Variants in SLC35D4 observed in about 807,000 individuals in gnomAD.
SLC35D4 encodes the protein UDP-N-acetylglucosamine transporter SLC35D4.
the SLC35D4 span, among the ~76,000 whole-genome samples, chr18:23,405,061 G>A: frequency 6.0e-5 from 9 of 149,292 alleles, no homozygotes; most frequent in Non-Finnish European, 1.0e-4. Flanking sequence ...TGTACCAAGT[G>A]AGGATGCAGA....
chr18:23,373,498 A>C, the SLC35D4 span, among the ~76,000 whole-genome samples: 1 of 152,298 alleles, frequency 6.6e-6, no homozygotes, highest in African/African-American at 2.4e-5. Context: ...ACAGCTCTGC[A>C]GGCCACGATG....
the SLC35D4 span, among the ~76,000 whole-genome samples, chr18:23,418,097 T>C: frequency 6.6e-6 from 1 of 152,166 alleles, no homozygotes; most frequent in Non-Finnish European, 1.5e-5. Context: ...TAGTATAACA[T>C]ATAAAATCCC....
At chr18:23,374,284 A>G in the SLC35D4 span, among the ~76,000 whole-genome samples, 1 of 152,208 alleles carries the variant, frequency 6.6e-6, no homozygotes, top group African/African-American at 2.4e-5. Flanking sequence ...AAAGCTCGGA[A>G]GGACACAACA....
chr18:23,418,115 T>C, the SLC35D4 span, among the ~76,000 whole-genome samples: 75 of 152,236 alleles, frequency 4.9e-4, no homozygotes, highest in African/African-American at 1.7e-3. Context: ...CCCAAAAATA[T>C]CTTTATTTCA....
chr18:23,380,739 AGATT>A, the SLC35D4 span, among the ~76,000 whole-genome samples: 192 of 152,316 alleles, frequency 1.3e-3, 1 homozygote, highest in African/African-American at 4.2e-3. Flanking sequence ...CAAGGTAGTT[AGATT>A]AATTCCTCGA....
At chr18:23,323,081 T>C in the SLC35D4 span, among the ~76,000 whole-genome samples, 2 of 152,234 alleles carry the variant, frequency 1.3e-5, no homozygotes, top group Non-Finnish European at 2.9e-5. Flanking sequence ...GGGCATGTGG[T>C]TAAGATGTTT....
At chr18:23,328,362 G>C in the SLC35D4 span, among the ~76,000 whole-genome samples, 143 of 152,296 alleles carry the variant, frequency 9.4e-4, no homozygotes, top group Middle Eastern at 3.4e-3. Flanking sequence ...AAAGTCTCAG[G>C]ATACAAAATC....
the SLC35D4 span, among the ~76,000 whole-genome samples, chr18:23,345,258 C>T: frequency 7.9e-5 from 12 of 151,882 alleles, no homozygotes; most frequent in South Asian, 2.1e-4. Context: ...CCGAGGTGGG[C>T]GGATCGCTAG....
chr18:23,297,408 C>A, the SLC35D4 span: 1 of 152,088 alleles, frequency 6.6e-6, no homozygotes, highest in Non-Finnish European at 1.5e-5. Flanking sequence ...ACATCAGCTA[C>A]TGTGGATGCT....
the SLC35D4 span, among the ~76,000 whole-genome samples, chr18:23,242,525 C>T: frequency 6.6e-6 from 1 of 152,060 alleles, no homozygotes; most frequent in Non-Finnish European, 1.5e-5. Flanking sequence ...CAGCCCAGGT[C>T]GGTAGTGGGT....
the SLC35D4 span, among the ~76,000 whole-genome samples, chr18:23,277,859 C>T: frequency 1.2e-4 from 18 of 152,166 alleles, no homozygotes; most frequent in East Asian, 1.9e-4. Flanking sequence ...CTTGGGGCTC[C>T]GAGGAGGAGG....
chr18:23,341,175 T>G, the SLC35D4 span, among the ~76,000 whole-genome samples: 1 of 152,222 alleles, frequency 6.6e-6, no homozygotes, highest in Non-Finnish European at 1.5e-5. Context: ...TTTACCAAAA[T>G]GAGAGATTAT....
At chr18:23,385,767 A>G in the SLC35D4 span, among the ~76,000 whole-genome samples, 3 of 152,246 alleles carry the variant, frequency 2.0e-5, no homozygotes, top group Admixed American at 2.0e-4. Context: ...GTTTAGAGGA[A>G]CTTGGGCTGC....
the SLC35D4 span, among the ~76,000 whole-genome samples, chr18:23,402,104 A>G: frequency 6.6e-6 from 1 of 152,184 alleles, no homozygotes; most frequent in Non-Finnish European, 1.5e-5. Flanking sequence ...GACACACAGG[A>G]GAGGCAGTGG....
chr18:23,397,730 A>C, the SLC35D4 span, among the ~76,000 whole-genome samples: 1 of 152,274 alleles, frequency 6.6e-6, no homozygotes, highest in East Asian at 1.9e-4. Context: ...TAAAGAAACA[A>C]TTCTGAAAAG....
the SLC35D4 span, among the ~76,000 whole-genome samples, chr18:23,379,027 G>A: frequency 2.6e-5 from 4 of 152,324 alleles, no homozygotes; most frequent in African/African-American, 9.6e-5. Flanking sequence ...CATCTGCTGG[G>A]AAGTTAGCCC....
At chr18:23,364,294 A>G in the SLC35D4 span, among the ~76,000 whole-genome samples, 1 of 152,266 alleles carries the variant, frequency 6.6e-6, no homozygotes, top group East Asian at 1.9e-4. Context: ...GTGAGTAAAC[A>G]TTCATTTTGT....
chr18:23,339,106 G>A, the SLC35D4 span, among the ~76,000 whole-genome samples: 3 of 152,122 alleles, frequency 2.0e-5, no homozygotes, highest in Non-Finnish European at 2.9e-5. Context: ...GCCCAGGCTG[G>A]TCTTGAACTC....
chr18:23,410,899 G>A, the SLC35D4 span, among the ~76,000 whole-genome samples: 2 of 152,266 alleles, frequency 1.3e-5, no homozygotes, highest in African/African-American at 4.8e-5. Flanking sequence ...TCTGATTCTA[G>A]GATAGCCAGA....
Sources: gnomAD v4.1 joint callset for allele counts (sites outside exome capture counted in the v4.1 genomes callset) on GRCh38, gnomAD v4.1.1 for gene constraint, MANE v1.5 for transcripts, NCBI Gene and HGNC (gene_info 2026-07-23, HGNC 2026-07-21) for gene names.